MYADML2: variants seen among roughly 807,000 people sequenced by gnomAD.
The protein encoded by MYADML2 is myeloid associated differentiation marker like 2.
MYADML2 carries 17 observed loss-of-function variants against 16.0 expected under a neutral mutation model. That is an observed-to-expected ratio of 1.06 (90% confidence interval 0.73 to 1.60). MYADML2 has a LOEUF of 1.60. Among genes scored for constraint, MYADML2 ranks in the 40% most tolerant of loss-of-function variants. MYADML2 has a pLI of 0.00. For synonymous variants in MYADML2, 210 were observed against 208.1 expected (o/e 1.01, Z -0.08); for missense variants, 422 against 437.7 (o/e 0.96, Z 0.32).
chr17:81,941,615 G>T lies in MYADML2; in HGVS notation c.127C>A (p.Arg43=). 1 of 1,548,986 alleles carries T rather than the reference G, an allele frequency of 6.5e-7. No individual in the cohort carries two copies. The highest frequency in any genetic ancestry group is 2.4e-5 in the East Asian group (1 of 40,904). ...CCCTGGACGCCCGCAAAGCCACCCC[G>T]GTGGGCCACCAGGCTGAAGGTAGTG... ...GCTTFSLVAH[R]GGFAGVQGTF... Residue 43 remains arginine (R), a synonymous_variant, in exon 3 of 3, where the codon CGG becomes AGG. Coordinates refer to ENST00000409745, the MANE Select transcript of MYADML2 (RefSeq NM_001145113.3).
At chr17:81,946,212 G>A (rs1020901682) in intron 1 of MYADML2, among the ~76,000 whole-genome samples, 2 of 151,664 alleles carry the variant, frequency 1.3e-5, no homozygotes, top group African/African-American at 2.4e-5. Context: ...AAAATTAGCC[G>A]GGCGTGGTGG....
intron 1 of MYADML2, among the ~76,000 whole-genome samples, chr17:81,946,544 A>T (rs2041348926): frequency 6.6e-6 from 1 of 151,900 alleles, no homozygotes; most frequent in African/African-American, 2.4e-5. Flanking sequence ...GCTACTCGGG[A>T]GGCTGAGACA....
chr17:81,940,727 C>T lies in MYADML2; in HGVS notation c.*91G>A, dbSNP rs1166255053. ...CTGAGCCCGCGGCTTCCCTCCTGCT[C>T]GCTACTTGACACTTTGGTTCACCTG... is the stretch of plus-strand genomic sequence containing the variant. On this transcript the variant is annotated 3_prime_UTR_variant, in exon 3 of 3. Coordinates refer to ENST00000409745, the MANE Select transcript of MYADML2 (RefSeq NM_001145113.3). 7.3e-6 allele frequency: 10 copies of T among 1,372,582 alleles called. No homozygotes were observed. The highest frequency in any genetic ancestry group is 1.5e-5 in the South Asian group (1 of 66,152). 85.0% of individuals were successfully genotyped at this position (1,372,582 alleles called of 1,614,324 possible).
At position 81,945,260 on chromosome 17, in the gene MYADML2, C is replaced by T. The variant is rs560540765; in HGVS notation, c.-181+1799G>A. On this transcript the variant is annotated intron_variant, in intron 1 of 2. Coordinates refer to ENST00000409745, the MANE Select transcript of MYADML2 (RefSeq NM_001145113.3). ...TATTTAAAAAAAAAAAAACAATTGG[C>T]TGGGTGCGGTGGCTCACACCTGTAA... Among the ~76,000 whole-genome samples the T allele has an allele frequency of 6.6e-5, 10 of 151,862 alleles. No individual in the cohort carries two copies. In the East Asian group the frequency reaches 1.7e-3, roughly 26 times the overall value.
At chr17:81,946,327 C>T (rs2041344982) in intron 1 of MYADML2, among the ~76,000 whole-genome samples, 1 of 150,786 alleles carries the variant, frequency 6.6e-6, no homozygotes, top group Non-Finnish European at 1.5e-5. Flanking sequence ...TGCACTGTAG[C>T]CTGGCGACAG....
At position 81,947,015 on chromosome 17, in the gene MYADML2, A is replaced by G. The variant is rs1364592005; in HGVS notation, c.-181+44T>C. ...TAATAATACAAATAATACAAATTTA[A>G]AAAGCAATACTATGTAACAACTGTT... On this transcript the variant is annotated intron_variant, in intron 1 of 2. Coordinates refer to ENST00000409745, the MANE Select transcript of MYADML2 (RefSeq NM_001145113.3). 6 of 152,190 alleles carry G rather than the reference A, an allele frequency of 3.9e-5. No individual in the cohort carries two copies. In the East Asian group the frequency reaches 1.2e-3, roughly 29 times the overall value. The allele number at this position is 152,190 out of a possible 1,614,324, so 9.4% of individuals were successfully genotyped here.
rs1203606397 is a variant in MYADML2 at position 81,940,558 on chromosome 17, G to C, written c.*260C>G. 1.9e-5 allele frequency: 9 copies of C among 462,910 alleles called. No homozygotes were observed. Among genetic ancestry groups the C allele is most frequent in the Non-Finnish European group, 3.1e-5 (8 of 259,472 alleles). The allele number at this position is 462,910 out of a possible 1,614,324, so 28.7% of individuals were successfully genotyped here. On this transcript the variant is annotated 3_prime_UTR_variant, in exon 3 of 3. Coordinates refer to ENST00000409745, the MANE Select transcript of MYADML2 (RefSeq NM_001145113.3). ...TGAGCCCCAGGAGCGCTGGGAAATGGTGAGAGAGAGTGAGTTGGGGATTGG... is the reference window on the plus strand; with the variant it reads ...TGAGCCCCAGGAGCGCTGGGAAATGCTGAGAGAGAGTGAGTTGGGGATTGG...
In MYADML2 at chr17:81,941,031, C is replaced by T; in HGVS notation, c.711G>A (p.Leu237=). 2 of 1,550,448 alleles carry T rather than the reference C, an allele frequency of 1.3e-6. No homozygotes were observed. Among genetic ancestry groups the T allele is most frequent in the Non-Finnish European group, 1.7e-6 (2 of 1,146,986 alleles). ...CGGCGCTGAGGTACAGGAGCACAGC[C>T]AGGAAGGTGTACACCACCACCAGCC... ...FDRLVVVYTF[L]AVLLYLSAAV... Residue 237 remains leucine, a synonymous_variant, in exon 3 of 3, where the codon CTG becomes CTA. Transcript: ENST00000409745.
At chr17:81,946,381 G>T (rs536131488) in intron 1 of MYADML2, among the ~76,000 whole-genome samples, 2 of 151,142 alleles carry the variant, frequency 1.3e-5, no homozygotes, top group Non-Finnish European at 1.5e-5. Flanking sequence ...GGGCGCGGTG[G>T]CTCATGCCTG....
rs139996603 is a variant in MYADML2, at chr17:81,942,061, C to G, written c.-102-218G>C. On this transcript the variant is annotated intron_variant, in intron 2 of 2. Coordinates refer to ENST00000409745, the MANE Select transcript of MYADML2 (RefSeq NM_001145113.3). The surrounding 1 kb of genome is among the most constrained non-coding windows in gnomAD (Gnocchi z 4.4). ...CCATTGGCTGCTGGCACCACCCCCA[C>G]CTCCGCCTCCCGCGCACCTGCATCT... The G allele has an allele frequency of 7.2e-3, 2,027 of 279,974 alleles. 8 individuals carry two copies. The highest frequency in any genetic ancestry group is 9.1e-3 in the Non-Finnish European group (1,363 of 149,434). 17.3% of individuals were successfully genotyped at this position (279,974 alleles called of 1,614,324 possible). A position where few individuals can be genotyped will look rare whatever the true frequency, so the allele number is the denominator to read the frequency against.
chr17:81,939,914 C>T lies in MYADML2; in HGVS notation c.*904G>A, dbSNP rs903847200. 4.6e-5 allele frequency: 7 copies of T among 152,344 alleles called. No homozygotes were observed. Among genetic ancestry groups the T allele is most frequent in the African/African-American group, 1.4e-4 (6 of 41,460 alleles). 9.4% of individuals were successfully genotyped at this position (152,344 alleles called of 1,614,324 possible). A position where few individuals can be genotyped will look rare whatever the true frequency, so the allele number is the denominator to read the frequency against. ...TCTGTGTCCAGCGGCCGCCCTCAGC[C>T]GGGCTCCCTCCCAGTGCCACAGATG... On this transcript the variant is annotated 3_prime_UTR_variant, in exon 3 of 3. Coordinates refer to ENST00000409745, the MANE Select transcript of MYADML2 (RefSeq NM_001145113.3).
At chr17:81,946,332 C>T (rs1395542851) in intron 1 of MYADML2, among the ~76,000 whole-genome samples, 3 of 144,244 alleles carry the variant, frequency 2.1e-5, no homozygotes, top group Admixed American at 1.4e-4. Flanking sequence ...TGTAGCCTGG[C>T]GACAGAGCAA....
In MYADML2 at chr17:81,943,676, T is replaced by G. The variant is rs559454683; in HGVS notation, c.-180-1303A>C. On this transcript the variant is annotated intron_variant, in intron 1 of 2. Coordinates refer to ENST00000409745, the MANE Select transcript of MYADML2 (RefSeq NM_001145113.3). The stretch of plus-strand genomic sequence containing the variant: ...CCTCAGCCTCCCAAAGTGCTGGGAT[T>G]ACAGGCGTTAGCCACCTCGCCCAGC... 2.0e-5 allele frequency among the ~76,000 whole-genome samples: 3 copies of G among 152,068 alleles called. No homozygotes were observed. The East Asian group carries it at 5.8e-4, about 30-fold the overall frequency.
Position 81,941,118 on chromosome 17 carries a change from T to C in MYADML2, c.624A>G (p.Thr208=), listed in dbSNP as rs1188149358. 6.5e-7 allele frequency: 1 copy of C among 1,550,254 alleles called. No homozygotes were observed. Among genetic ancestry groups the C allele is most frequent in the Non-Finnish European group, 8.7e-7 (1 of 1,146,952 alleles). ...TCACACTCAGGGCCACCACGGCCACTGTGGCCAGGAAGCACAGGCTGTAGA... is the reference window on the plus strand; with the variant it reads ...TCACACTCAGGGCCACCACGGCCACCGTGGCCAGGAAGCACAGGCTGTAGA... The part of the protein sequence containing the change: ...VAVYSLCFLA[T]VAVVALSVMG... The change falls in exon 3 of 3, where the codon ACA becomes ACG. Residue 208 remains threonine, a synonymous_variant. Coordinates refer to ENST00000409745, the MANE Select transcript of MYADML2 (RefSeq NM_001145113.3).
rs1314183288 is a variant in MYADML2, at chr17:81,941,081, C to T, written c.661G>A (p.Gly221Arg). 1.3e-6 allele frequency: 2 copies of T among 1,550,378 alleles called. No homozygotes were observed. The highest frequency in any genetic ancestry group is 2.4e-5 in the South Asian group (2 of 84,064). Residue 221 changes from glycine (G) to arginine (R), a missense_variant, in exon 3 of 3, where the codon GGG becomes AGG. Coordinates refer to ENST00000409745, the MANE Select transcript of MYADML2 (RefSeq NM_001145113.3). ...VVALSVMGHT[G>R]GLGCPFDRLV... The stretch of plus-strand genomic sequence containing the variant: ...CGGTCAAAGGGGCAGCCCAGGCCCC[C>T]TGTGTGGCCCATCACACTCAGGGCC...
At chr17:81,941,951 G>A (rs1317953431) in intron 2 of MYADML2, 108 bp from the exon 3 acceptor site, 17 of 505,084 alleles carry the variant, frequency 3.4e-5, no homozygotes, top group South Asian at 7.8e-5. Context: ...TCAGAGCCCC[G>A]GAATAGCAGC....
rs1290350236 is a variant in MYADML2, at chr17:81,939,733, C to G, written c.*1085G>C. 1.3e-5 allele frequency: 2 copies of G among 152,414 alleles called. No individual in the cohort carries two copies. Among genetic ancestry groups the G allele is most frequent in the African/African-American group, 4.8e-5 (2 of 41,596 alleles). The allele number at this position is 152,414 out of a possible 1,614,324, so 9.4% of individuals were successfully genotyped here. On this transcript the variant is annotated 3_prime_UTR_variant, in exon 3 of 3. Coordinates refer to ENST00000409745, the MANE Select transcript of MYADML2 (RefSeq NM_001145113.3). The stretch of plus-strand genomic sequence containing the variant: ...GAGGGGCTGTTGTGCCACTGCCCAC[C>G]CGGCTTGGACTCAGGGGTGGCCAGT...
chr17:81,943,569 A>C (rs2041322255), intron 1 of MYADML2, among the ~76,000 whole-genome samples: 1 of 145,984 alleles, frequency 6.9e-6, no homozygotes, highest in South Asian at 2.2e-4. Context: ...ACGCCTGGCT[A>C]ATTTTTTGTA....
intron 1 of MYADML2, among the ~76,000 whole-genome samples, chr17:81,946,317 T>C (rs2041344805): frequency 6.6e-6 from 1 of 151,558 alleles, no homozygotes; most frequent in South Asian, 2.1e-4. Context: ...ATCGTGCCAC[T>C]GCACTGTAGC....
Sources: allele counts gnomAD v4.1 joint callset (sites outside exome capture counted in the v4.1 genomes callset), GRCh38; gene constraint gnomAD v4.1.1; non-coding constraint Gnocchi (gnomAD v3.1); transcripts MANE v1.5; gene names NCBI Gene and HGNC (gene_info 2026-07-23, HGNC 2026-07-21).